The following SPATA6L variants were observed in gnomAD, a reference collection of about 807,000 sequenced individuals.
SPATA6L encodes the protein spermatogenesis associated 6 like, also known as spermatogenesis associated 6-like protein.
A neutral mutation model predicts 49.2 loss-of-function variants in SPATA6L; 68 were observed. That is an observed-to-expected ratio of 1.38 (90% CI 1.14 to 1.69). The LOEUF is 1.69. SPATA6L is among the 40% of genes most tolerant of loss of function. The pLI, the probability that SPATA6L is intolerant of heterozygous loss-of-function variation, is 0.00. For synonymous variants in SPATA6L, 198 were observed against 165.7 expected (o/e 1.19, Z -1.50); for missense variants, 668 against 464.3 (o/e 1.44, Z -4.03).
In SPATA6L at chr9:4,662,346, C is replaced by T; in HGVS notation, c.40-310G>A. 2 of 1,479,718 alleles carry T rather than the reference C, an allele frequency of 1.4e-6. No individual in the cohort carries two copies. Among genetic ancestry groups the T allele is most frequent in the South Asian group, 1.3e-5 (1 of 74,668 alleles). 91.7% of individuals were successfully genotyped at this position (1,479,718 alleles called of 1,614,324 possible). ...CCGGGAAGCCTCTGTTTGGTCCGGC[C>T]AGGTCCCGGGATCCGGGCCGCCAGC... On this transcript the variant is annotated intron_variant, in intron 1 of 11. Transcript: ENST00000682582. The surrounding 1 kb of genome is among the most constrained non-coding windows in gnomAD (Gnocchi z 4.9).
In SPATA6L at chr9:4,600,264, C is replaced by T. The variant is rs10974641; in HGVS notation, c.*547G>A. On this transcript the variant is annotated 3_prime_UTR_variant, in exon 12 of 12. Transcript: ENST00000682582. Reference sequence around the variant, plus strand: ...TTCAACATCTAAAACAAGATCTGAACTACCCAGACGTAATGCTCTCTTTTC... The same window carrying T: ...TTCAACATCTAAAACAAGATCTGAATTACCCAGACGTAATGCTCTCTTTTC... 0.7 allele frequency among the ~76,000 whole-genome samples: 106,518 copies of T among 151,762 alleles called. 38,018 individuals are homozygous for T. Among genetic ancestry groups the T allele is most frequent in the Middle Eastern group, 0.81 (237 of 294 alleles).
intron 7 of SPATA6L, among the ~76,000 whole-genome samples, chr9:4,621,393 T>G (rs907109703): frequency 1.3e-5 from 2 of 152,238 alleles, no homozygotes; most frequent in African/African-American, 4.8e-5. Flanking sequence ...TTTGACTGTT[T>G]CATTCCCATT....
rs1035591685 is a variant in SPATA6L, at chr9:4,663,343, C to T, written c.40-1307G>A. 4.2e-6 allele frequency: 6 copies of T among 1,432,476 alleles called. No homozygotes were observed. In the African/African-American group the frequency reaches 7.1e-5, roughly 17 times the overall value. The allele number at this position is 1,432,476 out of a possible 1,614,324, so 88.7% of individuals were successfully genotyped here. On this transcript the variant is annotated intron_variant, in intron 1 of 11. Transcript: ENST00000682582. ...TGTCAACCTAAACCAGCAGCCATCCCGCTTGTCCCTCTTAGGCATTTCAGG... is the reference window on the plus strand; with the variant it reads ...TGTCAACCTAAACCAGCAGCCATCCTGCTTGTCCCTCTTAGGCATTTCAGG...
At chr9:4,657,905 C>A (rs1838674932) in intron 2 of SPATA6L, among the ~76,000 whole-genome samples, 1 of 152,042 alleles carries the variant, frequency 6.6e-6, no homozygotes, top group Non-Finnish European at 1.5e-5. Context: ...GTTTGCTTAC[C>A]TAGGAATTTA....
At chr9:4,661,438 T>C (rs1587549264) in intron 2 of SPATA6L, among the ~76,000 whole-genome samples, 1 of 151,280 alleles carries the variant, frequency 6.6e-6, no homozygotes, top group East Asian at 1.9e-4. Context: ...AGGTATGATC[T>C]GAGGAAACAG....
rs1275351528 is a variant in SPATA6L at position 4,656,072 on chromosome 9, T to C, written c.195A>G (p.Val65=). ...AAAGGTCTACTACAGCTCCAGGATC[T>C]ACTGCACTTTCAAATACCTGCAGAG... The part of the protein sequence containing the change: ...MRFEKVFESA[V]DPGAVVDLLE... The change falls in exon 3 of 12, where the codon GTA becomes GTG. Residue 65 remains valine (V), a synonymous_variant. Transcript: ENST00000682582. 3 of 1,613,068 alleles carry C rather than the reference T, an allele frequency of 1.9e-6. No individual in the cohort carries two copies. The highest frequency in any genetic ancestry group is 2.5e-6 in the Non-Finnish European group (3 of 1,179,496).
chr9:4,597,209 T>C (rs10815026), downstream of SPATA6L, among the ~76,000 whole-genome samples: 1 of 151,702 alleles, frequency 6.6e-6, no homozygotes, highest in African/African-American at 2.4e-5. Context: ...GCCTAGCATT[T>C]TGGGAGGCCG....
chr9:4,641,731 T>C (rs1014346480), intron 3 of SPATA6L, among the ~76,000 whole-genome samples: 1 of 152,218 alleles, frequency 6.6e-6, no homozygotes, highest in Non-Finnish European at 1.5e-5. Context: ...ATGTACTAAA[T>C]GCATTTTAGA....
chr9:4,654,195 C>T (rs392979), intron 3 of SPATA6L, among the ~76,000 whole-genome samples: 15,454 of 152,210 alleles, frequency 0.1, 983 homozygotes, highest in African/African-American at 0.17. Context: ...TCATACATTG[C>T]TGGTGGGATG....
At chr9:4,660,191 A>G (rs189195693) in intron 2 of SPATA6L, among the ~76,000 whole-genome samples, 2 of 152,244 alleles carry the variant, frequency 1.3e-5, no homozygotes, top group African/African-American at 2.4e-5. Context: ...GGATCTAATT[A>G]AACTAAAGAG....
chr9:4,661,751 C>CGACTGCGGTTTTGCTTCAAGGCA, intron 2 of SPATA6L, 148 bp downstream of exon 2: 1 of 1,054,774 alleles, frequency 9.5e-7, no homozygotes, highest in Non-Finnish European at 1.3e-6. Flanking sequence ...GCAAGTGTTC[C>CGACTGCGGTTTTGCTTCAAGGCA]GACTGCGGTT....
intron 4 of SPATA6L, among the ~76,000 whole-genome samples, chr9:4,631,768 A>T (rs1831604986): frequency 6.6e-6 from 1 of 152,240 alleles, no homozygotes; most frequent in Admixed American, 6.5e-5. Flanking sequence ...GGCTGAAATA[A>T]ATATGAGAAA....
At chr9:4,640,131 A>G (rs530453843) in intron 3 of SPATA6L, among the ~76,000 whole-genome samples, 1 of 152,354 alleles carries the variant, frequency 6.6e-6, no homozygotes, top group East Asian at 1.9e-4. Context: ...TTACAGTTGG[A>G]CTGAATATAC....
chr9:4,620,939 G>A (rs1829147509), intron 7 of SPATA6L, among the ~76,000 whole-genome samples: 1 of 152,212 alleles, frequency 6.6e-6, no homozygotes, highest in Admixed American at 6.5e-5. Flanking sequence ...AATGTCAGAG[G>A]TGATGAAGCA....
intron 3 of SPATA6L, among the ~76,000 whole-genome samples, chr9:4,653,763 T>C (rs1356029989): frequency 6.6e-6 from 1 of 152,118 alleles, no homozygotes; most frequent in African/African-American, 2.4e-5. Context: ...ATCCTGTCTC[T>C]ACAAAACAAA....
Position 4,666,221 on chromosome 9 carries a change from C to G in SPATA6L, c.30G>C (p.Gln10His). MPLEVVVEL[Q>H]IRAISCPGVF... ...TTCATCGATCTCTTACCGCCCGGAT[C>G]TGCAGCTCCACCACCACCTCCAGAG... is the stretch of plus-strand genomic sequence containing the variant. The change falls in exon 1 of 12, where the codon CAG (glutamine) becomes CAC (histidine). Residue 10 changes from glutamine (Q) to histidine (H), a missense_variant. Coordinates refer to ENST00000682582, the MANE Select transcript of SPATA6L (RefSeq NM_001353486.2). The G allele has an allele frequency of 6.2e-7, 1 of 1,614,150 alleles. No individual in the cohort carries two copies. The highest frequency in any genetic ancestry group is 8.5e-7 in the Non-Finnish European group (1 of 1,180,028).
chr9:4,606,163 C>G (rs988591080), intron 9 of SPATA6L, among the ~76,000 whole-genome samples: 1 of 151,612 alleles, frequency 6.6e-6, no homozygotes, highest in Non-Finnish European at 1.5e-5. Flanking sequence ...CACGGAGTCT[C>G]GCTGATTGCT....
intron 10 of SPATA6L, 31 bp downstream of exon 10, chr9:4,605,316 G>C: frequency 1.3e-6 from 2 of 1,525,954 alleles, no homozygotes; most frequent in Non-Finnish European, 1.8e-6. Context: ...TATTTAGTGA[G>C]CAAAGATCTA....
downstream of SPATA6L, among the ~76,000 whole-genome samples, chr9:4,594,215 T>G (rs1469286373): frequency 6.6e-6 from 1 of 152,178 alleles, no homozygotes; most frequent in Non-Finnish European, 1.5e-5. Flanking sequence ...GGTTTTTGTT[T>G]TTTGTTTTTT....
Sources: allele counts gnomAD v4.1 joint callset (sites outside exome capture counted in the v4.1 genomes callset), GRCh38; gene constraint gnomAD v4.1.1; non-coding constraint Gnocchi (gnomAD v3.1); transcripts MANE v1.5; gene names NCBI Gene and HGNC (gene_info 2026-07-23, HGNC 2026-07-21).